The following ZSWIM6 variants were observed in gnomAD, a reference collection of about 807,000 sequenced individuals.
The protein encoded by ZSWIM6 is zinc finger SWIM-type containing 6.
Under a neutral mutation model 113.2 loss-of-function variants are expected in ZSWIM6, and 9 were observed. That is an observed-to-expected ratio of 0.08 (90% confidence interval 0.05 to 0.14). ZSWIM6 has a LOEUF of 0.14. ZSWIM6 is among the 10% of genes least tolerant of loss of function. The pLI, the probability that ZSWIM6 is intolerant of heterozygous loss-of-function variation, is 1.00. For missense variants in ZSWIM6, 1,162 were observed against 1,552.2 expected (o/e 0.75, Z 4.22); for synonymous variants, 611 against 606.5 (o/e 1.01, Z -0.11).
At chr5:61,355,669 C>G (rs1744891657) in intron 1 of ZSWIM6, among the ~76,000 whole-genome samples, 1 of 152,084 alleles carries the variant, frequency 6.6e-6, no homozygotes, top group South Asian at 2.1e-4. Context: ...AAGAGACTGG[C>G]AAATTTTAAT....
chr5:61,475,294 G>A (rs1471491991), intron 2 of ZSWIM6, among the ~76,000 whole-genome samples: 1 of 152,132 alleles, frequency 6.6e-6, no homozygotes, highest in Admixed American at 6.5e-5. Context: ...TCAGTAATCA[G>A]TTGCTTGTTC....
chr5:61,463,532 T>A (rs1274920038), intron 1 of ZSWIM6, among the ~76,000 whole-genome samples: 1 of 152,208 alleles, frequency 6.6e-6, no homozygotes, highest in African/African-American at 2.4e-5. Context: ...TTTGTTATCA[T>A]ATGCACATTC....
rs538880582 is a variant in ZSWIM6, at chr5:61,350,843, A to C, written c.676+17895A>C. ...ATTATATCTTTATCACCTCTGTCGT[A>C]AGGCTGCTAAGAGGCTCACATGGGA... On this transcript the variant is annotated intron_variant, in intron 1 of 13. Transcript: ENST00000252744. Among the ~76,000 whole-genome samples, 18 of 152,342 alleles carry C rather than the reference A, an allele frequency of 1.2e-4. No homozygotes were observed. The East Asian group carries it at 3.5e-3, about 29-fold the overall frequency.
chr5:61,465,701 A>G (rs1183891565), intron 1 of ZSWIM6, among the ~76,000 whole-genome samples: 1 of 152,056 alleles, frequency 6.6e-6, no homozygotes, highest in Non-Finnish European at 1.5e-5. Context: ...GTAAATTTTT[A>G]TGTTGTTTGT....
chr5:61,352,998 C>A (rs1228349666), intron 1 of ZSWIM6, among the ~76,000 whole-genome samples: 2 of 152,154 alleles, frequency 1.3e-5, no homozygotes, highest in Non-Finnish European at 2.9e-5. Context: ...TGGGCCATAG[C>A]AAGTCTGCCT....
chr5:61,512,893 G>C (rs182358936), intron 4 of ZSWIM6, among the ~76,000 whole-genome samples: 2 of 151,696 alleles, frequency 1.3e-5, no homozygotes, highest in Non-Finnish European at 2.9e-5. Context: ...CCCTTCCCCC[G>C]AGCTTATGCA....
chr5:61,535,639 C>T lies in ZSWIM6; in HGVS notation c.2381+20C>T, dbSNP rs1391784685. ...AATGCGGTATGTATTCACAGCCCAG[C>T]TGGGCAGAGGCAGGCCACATTCCCA... is the stretch of plus-strand genomic sequence containing the variant. On this transcript the variant is annotated intron_variant, in intron 10 of 13. Coordinates refer to ENST00000252744, the MANE Select transcript of ZSWIM6 (RefSeq NM_020928.2). 1.3e-6 allele frequency: 2 copies of T among 1,550,126 alleles called. No homozygotes were observed. The highest frequency in any genetic ancestry group is 2.4e-5 in the East Asian group (1 of 40,914).
intron 1 of ZSWIM6, among the ~76,000 whole-genome samples, chr5:61,429,741 G>A (rs567069417): frequency 3.9e-5 from 6 of 152,240 alleles, no homozygotes; most frequent in African/African-American, 1.4e-4. Flanking sequence ...TGGGAATGAA[G>A]GCTACTGTCT....
intron 1 of ZSWIM6, among the ~76,000 whole-genome samples, chr5:61,455,991 G>GT (rs900607465): frequency 6.6e-6 from 1 of 152,096 alleles, no homozygotes; most frequent in Non-Finnish European, 1.5e-5. Context: ...GAGAGGTGAA[G>GT]TTTTTGCCTA....
At chr5:61,478,858 A>G (rs1747779204) in intron 2 of ZSWIM6, among the ~76,000 whole-genome samples, 1 of 152,166 alleles carries the variant, frequency 6.6e-6, no homozygotes, top group African/African-American at 2.4e-5. Flanking sequence ...AGTTATAAGT[A>G]AAACTTGATG....
intron 1 of ZSWIM6, among the ~76,000 whole-genome samples, chr5:61,370,820 G>C (rs1328546413): frequency 6.7e-6 from 1 of 150,152 alleles, no homozygotes; most frequent in Non-Finnish European, 1.5e-5. Context: ...TTTTTTTTTT[G>C]CCAATTAACA....
At chr5:61,469,698 TC>T (rs1289914221) in intron 1 of ZSWIM6, among the ~76,000 whole-genome samples, 1 of 151,616 alleles carries the variant, frequency 6.6e-6, no homozygotes, top group Non-Finnish European at 1.5e-5. Context: ...TTATAAGGCC[TC>T]CCCCCAACCT....
chr5:61,526,105 C>G, intron 6 of ZSWIM6, 129 bp downstream of exon 6: 2 of 1,409,970 alleles, frequency 1.4e-6, no homozygotes, highest in East Asian at 2.5e-5. Context: ...GCAATAGGAG[C>G]TGAGATTTTC....
At chr5:61,400,598 C>T (rs10939901) in intron 1 of ZSWIM6, among the ~76,000 whole-genome samples, 32,702 of 152,140 alleles carry the variant, frequency 0.21, 3,716 homozygotes, top group South Asian at 0.31. Flanking sequence ...CAAGGCCTCA[C>T]GTTATAGATG....
At chr5:61,493,227 C>A (rs150824836) in intron 3 of ZSWIM6, among the ~76,000 whole-genome samples, 2 of 152,152 alleles carry the variant, frequency 1.3e-5, no homozygotes, top group Non-Finnish European at 2.9e-5. Context: ...CCTAACAGGC[C>A]TGTCCATTTT....
intron 3 of ZSWIM6, among the ~76,000 whole-genome samples, chr5:61,491,705 G>T (rs981354611): frequency 6.6e-6 from 1 of 151,990 alleles, no homozygotes; most frequent in African/African-American, 2.4e-5. Flanking sequence ...TTCATTGGGG[G>T]TATAGTCATC....
intron 1 of ZSWIM6, among the ~76,000 whole-genome samples, chr5:61,362,308 C>T (rs1375580635): frequency 3.9e-5 from 6 of 151,988 alleles, no homozygotes; most frequent in African/African-American, 7.3e-5. Context: ...AAGCAATTCT[C>T]GTGCCTCAGC....
At chr5:61,522,093 G>GTT (rs137971657) in intron 5 of ZSWIM6, among the ~76,000 whole-genome samples, 34 of 139,496 alleles carry the variant, frequency 2.4e-4, no homozygotes, top group South Asian at 2.0e-3. Flanking sequence ...TTTTTTGTTT[G>GTT]TTTTTTTTTG....
intron 1 of ZSWIM6, among the ~76,000 whole-genome samples, chr5:61,436,149 C>T (rs534312337): frequency 7.3e-5 from 11 of 150,034 alleles, no homozygotes; most frequent in East Asian, 2.0e-4. Flanking sequence ...TACAGTGAGC[C>T]GAGATTGCGC....
Sources: gnomAD v4.1 joint callset for allele counts (sites outside exome capture counted in the v4.1 genomes callset) on GRCh38, gnomAD v4.1.1 for gene constraint, MANE v1.5 for transcripts, NCBI Gene and HGNC (gene_info 2026-07-23, HGNC 2026-07-21) for gene names.